HEATR5A: variants seen among roughly 807,000 people sequenced by gnomAD.
HEATR5A encodes HEAT repeat containing 5A.
A neutral mutation model predicts 218.8 loss-of-function variants in HEATR5A; 178 were observed. The ratio of observed to expected loss-of-function variants is 0.81; its 90% CI spans 0.72 to 0.92. The LOEUF (loss-of-function observed/expected upper bound fraction) is 0.92. HEATR5A is among the 40% of genes least tolerant of loss of function. The pLI is 0.00. For synonymous variants in HEATR5A, 864 were observed against 871.6 expected (o/e 0.99, Z 0.15); for missense variants, 2,420 against 2,418.9 (o/e 1.00, Z -0.01).
intron 1 of HEATR5A, among the ~76,000 whole-genome samples, chr14:31,403,979 C>CATAAAA: frequency 6.6e-6 from 1 of 152,286 alleles, no homozygotes; most frequent in Admixed American, 6.5e-5. Context: ...AAATCGTGCA[C>CATAAAA]TCAACCATAA....
intron 11 of HEATR5A, among the ~76,000 whole-genome samples, chr14:31,375,577 T>G (rs1266149757): frequency 6.6e-6 from 1 of 151,994 alleles, no homozygotes; most frequent in Non-Finnish European, 1.5e-5. Flanking sequence ...AATTTTTGTA[T>G]TTTTTGGTAG....
chr14:31,366,427 A>T (rs1472062208), intron 13 of HEATR5A, among the ~76,000 whole-genome samples: 3 of 152,224 alleles, frequency 2.0e-5, no homozygotes, highest in Non-Finnish European at 2.9e-5. Flanking sequence ...GATGTTAGGA[A>T]ATTATATTTC....
chr14:31,337,532 T>A lies in HEATR5A; in HGVS notation c.3311A>T (p.Glu1104Val), dbSNP rs748736750. ...AAGCATAACAGCATGTTCTGAAACTTCAGCTGCTTCTCTTTGTACAAGCTG... is the reference window on the plus strand; with the variant it reads ...AAGCATAACAGCATGTTCTGAAACTACAGCTGCTTCTCTTTGTACAAGCTG... ...LRQLVQREAA[E>V]VSEHAVMLAK... is the part of the protein sequence containing the mutation. Residue 1104 changes from glutamate to valine, a missense_variant, in exon 22 of 36, where the codon GAA becomes GTA. Coordinates refer to ENST00000543095, the MANE Select transcript of HEATR5A (RefSeq NM_015473.4). 2 of 1,568,162 alleles carry A rather than the reference T, an allele frequency of 1.3e-6. No homozygotes were observed. The highest frequency in any genetic ancestry group is 2.4e-5 in the South Asian group (2 of 85,064).
intron 21 of HEATR5A, among the ~76,000 whole-genome samples, chr14:31,343,427 C>A (rs990492761): frequency 6.6e-6 from 1 of 152,072 alleles, no homozygotes; most frequent in Non-Finnish European, 1.5e-5. Context: ...TGGTTGATGG[C>A]CTTTATCTTT....
chr14:31,301,931 T>C (rs538136718), intron 33 of HEATR5A, among the ~76,000 whole-genome samples: 53 of 149,574 alleles, frequency 3.5e-4, no homozygotes, highest in African/African-American at 1.3e-3. Context: ...AATTCTCCTG[T>C]CTCAGTGGAG....
rs1179036806 is a variant in HEATR5A at position 31,293,326 on chromosome 14, T to C, written c.6120A>G (p.Gln2040=). 2 of 1,592,160 alleles carry C rather than the reference T, an allele frequency of 1.3e-6. No homozygotes were observed. Among genetic ancestry groups the C allele is most frequent in the African/African-American group, 2.7e-5 (2 of 73,492 alleles). ...TKSPGKNSSI[Q]LKTSFL ...AAAATCAGAGGAAACTGGTCTTTAA[T>C]TGGATGCTTGAGTTTTTTCCAGGAC... The change falls in exon 36 of 36, where the codon CAA becomes CAG. Residue 2040 remains glutamine (Q), a synonymous_variant. Transcript: ENST00000543095.
intron 11 of HEATR5A, among the ~76,000 whole-genome samples, chr14:31,378,585 A>G (rs1273849174): frequency 6.6e-6 from 1 of 152,110 alleles, no homozygotes; most frequent in Non-Finnish European, 1.5e-5. Context: ...CAGCACATCG[A>G]GGCCATCCTG....
chr14:31,366,980 A>C (rs780835898), intron 13 of HEATR5A, among the ~76,000 whole-genome samples: 27 of 152,234 alleles, frequency 1.8e-4, no homozygotes, highest in Non-Finnish European at 3.1e-4. Context: ...AAACATGAAA[A>C]GCATTCCCTT....
chr14:31,319,444 C>T (rs774086179), intron 25 of HEATR5A, among the ~76,000 whole-genome samples: 8 of 152,158 alleles, frequency 5.3e-5, no homozygotes, highest in South Asian at 2.1e-4. Context: ...TGAGCCACCG[C>T]GCCCGGCCTC....
intron 22 of HEATR5A, among the ~76,000 whole-genome samples, chr14:31,330,923 T>C (rs1900444409): frequency 6.7e-6 from 1 of 149,718 alleles, no homozygotes; most frequent in African/African-American, 2.5e-5. Context: ...AACTTTTATA[T>C]GCTCTGCTTC....
At chr14:31,394,762 G>A (rs558719393) in intron 5 of HEATR5A, among the ~76,000 whole-genome samples, 34 of 152,186 alleles carry the variant, frequency 2.2e-4, no homozygotes, top group African/African-American at 6.7e-4. Flanking sequence ...AGCTTGCAGT[G>A]AGCCGAGATC....
At chr14:31,385,895 T>C (rs1232797279) in intron 9 of HEATR5A, among the ~76,000 whole-genome samples, 1 of 152,078 alleles carries the variant, frequency 6.6e-6, no homozygotes, top group Non-Finnish European at 1.5e-5. Flanking sequence ...GACGGGCTAA[T>C]TTTTCTATTT....
At chr14:31,298,673 A>G (rs925740651) in intron 33 of HEATR5A, among the ~76,000 whole-genome samples, 2 of 151,920 alleles carry the variant, frequency 1.3e-5, no homozygotes, top group African/African-American at 4.8e-5. Context: ...GCAGAGGTCA[A>G]TCCTGTTAAA....
chr14:31,393,928 G>A (rs1014974348), intron 6 of HEATR5A, 124 bp downstream of exon 6: 14 of 694,402 alleles, frequency 2.0e-5, no homozygotes, highest in Admixed American at 6.7e-5. Context: ...GATTACAGGT[G>A]TGAGCCACCA....
At chr14:31,356,606 AG>A (rs1321971024) in intron 16 of HEATR5A, among the ~76,000 whole-genome samples, 1 of 152,130 alleles carries the variant, frequency 6.6e-6, no homozygotes, top group Non-Finnish European at 1.5e-5. Context: ...ACAGAATGAT[AG>A]GGTTTGCTTT....
intron 33 of HEATR5A, among the ~76,000 whole-genome samples, chr14:31,300,566 G>A (rs546342885): frequency 9.2e-5 from 14 of 152,012 alleles, no homozygotes; most frequent in African/African-American, 2.9e-4. Context: ...AGCTCCTTCC[G>A]GATCAGTCTC....
chr14:31,336,211 TACATAC>T (rs200942390), intron 22 of HEATR5A, among the ~76,000 whole-genome samples: 1,840 of 10,062 alleles, frequency 0.18, 55 homozygotes, highest in Non-Finnish European at 0.31. Context: ...TATATATACA[TACATAC>T]ATATATATAT....
intron 1 of HEATR5A, among the ~76,000 whole-genome samples, chr14:31,411,307 A>T (rs948360356): frequency 1.7e-5 from 2 of 120,836 alleles, no homozygotes; most frequent in Non-Finnish European, 3.4e-5. Context: ...AAAAGAACTT[A>T]CAAGTCCAAC....
chr14:31,374,281 G>A (rs1423613222), intron 12 of HEATR5A, among the ~76,000 whole-genome samples: 6 of 146,222 alleles, frequency 4.1e-5, no homozygotes, highest in Non-Finnish European at 6.0e-5. Flanking sequence ...TCTAGCCTGG[G>A]CAACAGTGAG....
Sources: allele counts gnomAD v4.1 joint callset (sites outside exome capture counted in the v4.1 genomes callset), GRCh38; gene constraint gnomAD v4.1.1; transcripts MANE v1.5; gene names NCBI Gene and HGNC (gene_info 2026-07-23, HGNC 2026-07-21).